MAGI3: variants seen among roughly 807,000 people sequenced by gnomAD.
The protein encoded by MAGI3 is membrane associated guanylate kinase, WW and PDZ domain containing 3.
In MAGI3, 43 loss-of-function variants were observed where a neutral mutation model predicts 121.8. That is an observed-to-expected ratio of 0.35 (90% CI 0.28 to 0.46). MAGI3 has a LOEUF of 0.46. MAGI3 is among the 20% of genes least tolerant of loss of function. The probability of loss-of-function intolerance (pLI) is 1.00; values close to 1 mark genes in which losing one functional copy is unlikely to be tolerated. For synonymous variants in MAGI3, 553 were observed against 639.3 expected (o/e 0.86, Z 2.04); for missense variants, 1,547 against 1,797.3 (o/e 0.86, Z 2.52).
intron 6 of MAGI3, among the ~76,000 whole-genome samples, chr1:113,606,140 A>G (rs1557848832): frequency 1.3e-5 from 2 of 150,388 alleles, no homozygotes; most frequent in African/African-American, 4.9e-5. Context: ...TAATTTTTGT[A>G]TTTTTTGGTA....
intron 1 of MAGI3, chr1:113,404,344 C>T (rs1306409583): frequency 6.6e-6 from 1 of 152,048 alleles, no homozygotes; most frequent in Non-Finnish European, 1.5e-5. Flanking sequence ...TGGCTGTATT[C>T]TTTTGCAAGA....
intron 8 of MAGI3, among the ~76,000 whole-genome samples, chr1:113,620,067 T>C (rs564789644): frequency 6.6e-6 from 1 of 152,180 alleles, no homozygotes; most frequent in Non-Finnish European, 1.5e-5. Context: ...TTTCGGCAGC[T>C]TTTTTATGAA....
At chr1:113,465,304 G>A (rs975418244) in intron 1 of MAGI3, among the ~76,000 whole-genome samples, 1 of 152,060 alleles carries the variant, frequency 6.6e-6, no homozygotes, top group African/African-American at 2.4e-5. Flanking sequence ...TCGAAGATGA[G>A]TTGGCTGTAA....
At position 113,390,783 on chromosome 1, in the gene MAGI3, C is replaced by T. The variant is rs1284752238; in HGVS notation, c.-251C>T. ...ACAATTCCCTTTTCCTTTCTTCAGCCTAACCCGCGGTGGCCCTCGCGGAGT... is the reference window on the plus strand; with the variant it reads ...ACAATTCCCTTTTCCTTTCTTCAGCTTAACCCGCGGTGGCCCTCGCGGAGT... On this transcript the variant is annotated 5_prime_UTR_variant, in exon 1 of 21. Transcript: ENST00000307546. 1.4e-5 allele frequency: 3 copies of T among 219,078 alleles called. No individual in the cohort carries two copies. The highest frequency in any genetic ancestry group is 2.7e-5 in the Non-Finnish European group (3 of 110,978). The allele number at this position is 219,078 out of a possible 1,614,324, so 13.6% of individuals were successfully genotyped here.
At chr1:113,641,760 G>C (rs1409193612) in intron 9 of MAGI3, 151 bp from the exon 10 acceptor site, 3 of 588,058 alleles carry the variant, frequency 5.1e-6, no homozygotes. Flanking sequence ...AAAGGGAGAA[G>C]GTCTGTGTTA....
In MAGI3 at chr1:113,405,474, CAAAAAAAAAAAAAAA is replaced by C. The variant is rs5777158; in HGVS notation, c.316+14139_316+14153del. Among the ~76,000 whole-genome samples the C allele has an allele frequency of 9.2e-5, 5 of 54,352 alleles. No homozygotes were observed. The South Asian group carries it at 5.5e-3, about 59-fold the overall frequency. 35.7% of individuals were successfully genotyped at this position (54,352 alleles called of 152,430 possible). ...CCTGGGCAACAGAGTGAAACTGTCT[CAAAAAAAAAAAAAAA>C]AAAAAAAAAAAAAGACTGAAGGCTG... On this transcript the variant is annotated intron_variant, in intron 1 of 20. Transcript: ENST00000307546.
At chr1:113,616,801 G>T (rs1232051130) in intron 7 of MAGI3, among the ~76,000 whole-genome samples, 1 of 151,764 alleles carries the variant, frequency 6.6e-6, no homozygotes, top group South Asian at 2.1e-4. Context: ...AATATATAGT[G>T]ATTAGATCAG....
chr1:113,550,770 GA>G (rs1198447199), intron 2 of MAGI3, among the ~76,000 whole-genome samples: 3 of 146,064 alleles, frequency 2.1e-5, no homozygotes, highest in Non-Finnish European at 4.5e-5. Flanking sequence ...AAAAAAAAAA[GA>G]AAAAAACGAA....
chr1:113,437,880 C>CTTCCTCCTCTT (rs1557757197), intron 1 of MAGI3, among the ~76,000 whole-genome samples: 1 of 17,020 alleles, frequency 5.9e-5, no homozygotes, highest in Non-Finnish European at 9.6e-5. Context: ...TTCTTCTTCT[C>CTTCCTCCTCTT]CTTCTCCTTC....
At chr1:113,444,213 A>G (rs763522216) in intron 1 of MAGI3, among the ~76,000 whole-genome samples, 38 of 152,240 alleles carry the variant, frequency 2.5e-4, no homozygotes, top group Non-Finnish European at 5.4e-4. Flanking sequence ...CATGGGAGCT[A>G]GAGTGGGCAA....
chr1:113,515,660 T>C (rs560136356), intron 1 of MAGI3, among the ~76,000 whole-genome samples: 7 of 152,216 alleles, frequency 4.6e-5, no homozygotes, highest in Admixed American at 2.0e-4. Context: ...GGTAAATACA[T>C]GACAGAGGTA....
In MAGI3 at chr1:113,391,600, G is replaced by A. The variant is rs1456163863; in HGVS notation, c.316+251G>A. Among the ~76,000 whole-genome samples the A allele has an allele frequency of 2.6e-5, 4 of 152,180 alleles. No individual in the cohort carries two copies. The highest frequency in any genetic ancestry group is 6.5e-5 in the Admixed American group (1 of 15,286). On this transcript the variant is annotated intron_variant, in intron 1 of 20. Coordinates refer to ENST00000307546, the MANE Select transcript of MAGI3 (RefSeq NM_001142782.2). This position sits in a 1 kb window ranked among gnomAD's most constrained non-coding sequence, Gnocchi z 4.4. ...AGCTGTCACAGAATTGCGACTAGAA[G>A]CTGGGTTTCCTACATTTGTAGCTCC...
intron 9 of MAGI3, among the ~76,000 whole-genome samples, chr1:113,638,276 A>C (rs544660066): frequency 3.3e-5 from 5 of 152,208 alleles, no homozygotes; most frequent in Non-Finnish European, 5.9e-5. Flanking sequence ...CTGGTGAGGA[A>C]CTGCGTTCCT....
intron 1 of MAGI3, among the ~76,000 whole-genome samples, chr1:113,494,916 G>T (rs140588988): frequency 1.3e-5 from 2 of 152,016 alleles, no homozygotes; most frequent in African/African-American, 2.4e-5. Context: ...TTTTAAGAAC[G>T]ACCAATTCCA....
At chr1:113,656,572 C>A (rs1167777961) in intron 15 of MAGI3, among the ~76,000 whole-genome samples, 1 of 152,054 alleles carries the variant, frequency 6.6e-6, no homozygotes, top group South Asian at 2.1e-4. Context: ...TGCCAACACA[C>A]CTGGCTAATT....
Position 113,596,214 on chromosome 1 carries a change from A to C in MAGI3, c.1018+1654A>C, listed in dbSNP as rs548412970. Among the ~76,000 whole-genome samples the C allele has an allele frequency of 2.0e-5, 3 of 152,334 alleles. No individual in the cohort carries two copies. The South Asian group carries it at 6.2e-4, about 32-fold the overall frequency. Reference sequence around the variant, plus strand: ...TGGCATAAGGATAGATAAATAGATCAGTGGAACAAAATAGAGAGTCTAGAA... The same window carrying C: ...TGGCATAAGGATAGATAAATAGATCCGTGGAACAAAATAGAGAGTCTAGAA... On this transcript the variant is annotated intron_variant, in intron 6 of 20. Transcript: ENST00000307546.
chr1:113,544,241 G>C (rs1659427582), intron 1 of MAGI3, among the ~76,000 whole-genome samples: 1 of 152,188 alleles, frequency 6.6e-6, no homozygotes, highest in Non-Finnish European at 1.5e-5. Flanking sequence ...TAGATCTCAT[G>C]AGGTAGAAGA....
intron 9 of MAGI3, among the ~76,000 whole-genome samples, chr1:113,633,910 T>C (rs536081148): frequency 2.0e-5 from 3 of 152,292 alleles, no homozygotes; most frequent in African/African-American, 7.2e-5. Context: ...GTTTCCTGAC[T>C]TTTTAATGAT....
intron 2 of MAGI3, among the ~76,000 whole-genome samples, chr1:113,576,222 A>G (rs1647624529): frequency 6.6e-6 from 1 of 151,784 alleles, no homozygotes; most frequent in South Asian, 2.1e-4. Flanking sequence ...CTGGAGTACA[A>G]AAAAAAACTC....
Sources: gnomAD v4.1 joint callset for allele counts (sites outside exome capture counted in the v4.1 genomes callset) on GRCh38, gnomAD v4.1.1 for gene constraint, Gnocchi (gnomAD v3.1) non-coding constraint, MANE v1.5 for transcripts, NCBI Gene and HGNC (gene_info 2026-07-23, HGNC 2026-07-21) for gene names.